SLC6A5: variants seen among roughly 807,000 people sequenced by gnomAD.
SLC6A5 encodes the protein solute carrier family 6 member 5.
A neutral mutation model predicts 90.5 loss-of-function variants in SLC6A5; 58 were observed. That is an observed-to-expected ratio of 0.64 (90% CI 0.52 to 0.80). The LOEUF is 0.80. SLC6A5 is among the 30% of genes least tolerant of loss of function. The pLI, the probability that SLC6A5 is intolerant of heterozygous loss-of-function variation, is 0.00. For synonymous variants in SLC6A5, 427 were observed against 401.4 expected (o/e 1.06, Z -0.76); for missense variants, 1,015 against 1,017.6 (o/e 1.00, Z 0.03).
chr11:20,621,938 C>T (rs553388547), intron 7 of SLC6A5, among the ~76,000 whole-genome samples: 6 of 152,324 alleles, frequency 3.9e-5, no homozygotes, highest in African/African-American at 7.2e-5. Context: ...CCCTCAGGGG[C>T]GCCTCTGCCT....
At chr11:20,651,447 T>G (rs1327157068) in intron 14 of SLC6A5, among the ~76,000 whole-genome samples, 4 of 151,158 alleles carry the variant, frequency 2.6e-5, no homozygotes, top group Non-Finnish European at 5.9e-5. Context: ...CTAATTTTTA[T>G]ATTTTTAGTT....
At chr11:20,607,790 TA>T in intron 5 of SLC6A5, 138 bp downstream of exon 5, 1 of 687,510 alleles carries the variant, frequency 1.5e-6, no homozygotes, top group Non-Finnish European at 2.5e-6. Context: ...AACTATCAAA[TA>T]TACTTAATTC....
Position 20,641,984 on chromosome 11 carries a change from A to T in SLC6A5, c.1969+3426A>T, listed in dbSNP as rs1295521392. Among the ~76,000 whole-genome samples, 22 of 151,964 alleles carry T rather than the reference A, an allele frequency of 1.4e-4. 1 individual carries two copies. Among genetic ancestry groups the T allele is most frequent in the Admixed American group, 1.4e-3 (22 of 15,270 alleles). ...AAAAAATAATATAAAATAAATAAAC[A>T]CTGGGACTTAGGGAGTATTAAGCTG... is the stretch of plus-strand genomic sequence containing the variant. On this transcript the variant is annotated intron_variant, in intron 13 of 15. Coordinates refer to ENST00000525748, the MANE Select transcript of SLC6A5 (RefSeq NM_004211.5).
intron 3 of SLC6A5, among the ~76,000 whole-genome samples, chr11:20,605,683 T>C (rs1448192921): frequency 2.0e-5 from 3 of 152,214 alleles, no homozygotes; most frequent in Non-Finnish European, 4.4e-5. Context: ...TGCCCGCGCT[T>C]TGCCCGCCCG....
At chr11:20,641,430 C>T (rs1417818746) in intron 13 of SLC6A5, among the ~76,000 whole-genome samples, 1 of 152,114 alleles carries the variant, frequency 6.6e-6, no homozygotes, top group African/African-American at 2.4e-5. Context: ...GCTTGATGGA[C>T]TATCTGTTTT....
Position 20,655,469 on chromosome 11 carries a change from A to C in SLC6A5, c.*601A>C. ...ATCTGTTTCCTTCGTTTGGATCAGC[A>C]ATCTCCAGTTACCACTAACTCAGAT... is the stretch of plus-strand genomic sequence containing the variant. On this transcript the variant is annotated 3_prime_UTR_variant, in exon 16 of 16. Transcript: ENST00000525748. The C allele has an allele frequency of 6.3e-6, 1 of 159,692 alleles. No homozygotes were observed. Among genetic ancestry groups the C allele is most frequent in the East Asian group, 1.8e-4 (1 of 5,676 alleles). The allele number at this position is 159,692 out of a possible 1,614,324, so 9.9% of individuals were successfully genotyped here.
At chr11:20,635,303 A>C (rs1853183820) in intron 10 of SLC6A5, among the ~76,000 whole-genome samples, 1 of 152,182 alleles carries the variant, frequency 6.6e-6, no homozygotes, top group Non-Finnish European at 1.5e-5. Flanking sequence ...TAACTTGTCT[A>C]GGGTTGCACA....
At chr11:20,651,111 G>A (rs900633222) in intron 14 of SLC6A5, among the ~76,000 whole-genome samples, 30 of 152,054 alleles carry the variant, frequency 2.0e-4, no homozygotes, top group African/African-American at 6.3e-4. Flanking sequence ...AGGAAGCTCC[G>A]GGATGTGGGC....
intron 5 of SLC6A5, among the ~76,000 whole-genome samples, chr11:20,608,388 G>A (rs1852623612): frequency 6.6e-6 from 1 of 152,232 alleles, no homozygotes; most frequent in African/African-American, 2.4e-5. Flanking sequence ...GGGCAGCTAT[G>A]TCAGAAAGTC....
At chr11:20,651,854 T>C (rs12362564) in intron 14 of SLC6A5, among the ~76,000 whole-genome samples, 29,957 of 151,418 alleles carry the variant, frequency 0.2, 3,858 homozygotes, top group Non-Finnish European at 0.29. Context: ...TTGCAGTAGC[T>C]GAGATCACGC....
At position 20,615,569 on chromosome 11, in the gene SLC6A5, G is replaced by A. The variant is rs1392989050; in HGVS notation, c.1127+749G>A. On this transcript the variant is annotated intron_variant, in intron 6 of 15. Transcript: ENST00000525748. Reference sequence around the variant, plus strand: ...CTTTTAGTAGAGACGGGGTTTCACCGTGTTAGCCAGGATGGCCTCGATATC... The same window carrying A: ...CTTTTAGTAGAGACGGGGTTTCACCATGTTAGCCAGGATGGCCTCGATATC... Among the ~76,000 whole-genome samples the A allele has an allele frequency of 3.9e-5, 6 of 152,192 alleles. No homozygotes were observed. The South Asian group carries it at 6.2e-4, about 16-fold the overall frequency.
chr11:20,648,798 T>A (rs905098821), intron 14 of SLC6A5, among the ~76,000 whole-genome samples: 1 of 152,222 alleles, frequency 6.6e-6, no homozygotes, highest in Non-Finnish European at 1.5e-5. Flanking sequence ...GAATAACATT[T>A]CACATAGTAA....
chr11:20,634,164 C>T (rs1853160480), intron 10 of SLC6A5, among the ~76,000 whole-genome samples: 1 of 152,216 alleles, frequency 6.6e-6, no homozygotes, highest in African/African-American at 2.4e-5. Flanking sequence ...GCCACCGCAC[C>T]TGGCTGCCAG....
At chr11:20,616,375 AC>A (rs1352523918) in intron 6 of SLC6A5, among the ~76,000 whole-genome samples, 7 of 152,178 alleles carry the variant, frequency 4.6e-5, no homozygotes, top group African/African-American at 1.7e-4. Flanking sequence ...ATTTTCCAGT[AC>A]ACTTAATCCA....
At position 20,604,325 on chromosome 11, in the gene SLC6A5, T is replaced by C; in HGVS notation, c.580T>C (p.Trp194Arg). ...GGATGAGAATAAGGCCCGAGGGAAC[T>C]GGTCCAGCAAACTGGACTTCATCCT... The part of the protein sequence containing the change: ...QGDENKARGN[W>R]SSKLDFILSM... Residue 194 changes from tryptophan to arginine, a missense_variant, in exon 3 of 16, where the codon TGG becomes CGG. By Grantham distance (101) the Trp-to-Arg change is moderately radical (BLOSUM62 -3). Around this residue, in one of 3 missense-constraint regions of SLC6A5, gnomAD observed 567 missense variants for 507.3 expected, o/e 1.12. Coordinates refer to ENST00000525748, the MANE Select transcript of SLC6A5 (RefSeq NM_004211.5). The C allele has an allele frequency of 1.2e-6, 2 of 1,613,860 alleles. No individual in the cohort carries two copies. Among genetic ancestry groups the C allele is most frequent in the Non-Finnish European group, 1.7e-6 (2 of 1,179,828 alleles).
At position 20,601,284 on chromosome 11, in the gene SLC6A5, G is replaced by T; in HGVS notation, c.159G>T (p.Arg53Ser). The T allele has an allele frequency of 1.9e-6, 3 of 1,589,036 alleles. No individual in the cohort carries two copies. The highest frequency in any genetic ancestry group is 8.5e-7 in the Non-Finnish European group (1 of 1,173,768). The change falls in exon 2 of 16, where the codon AGG becomes AGT. Residue 53 changes from arginine (R) to serine (S), a missense_variant. Physicochemically the swap from Arg to Ser is moderately radical, Grantham distance 110. Around this residue, in one of 3 missense-constraint regions of SLC6A5, gnomAD observed 567 missense variants for 507.3 expected, o/e 1.12. Transcript: ENST00000525748. Reference sequence around the variant, plus strand: ...CCCCGCCGCCGCCACGTGTGCCCAGGTCCGCTTCCACCGGCGCCCAAACTT... The same window carrying T: ...CCCCGCCGCCGCCACGTGTGCCCAGTTCCGCTTCCACCGGCGCCCAAACTT... ...AAAPPPPRVP[R>S]SASTGAQTFQ...
At chr11:20,610,224 C>T (rs969431840) in intron 5 of SLC6A5, among the ~76,000 whole-genome samples, 20 of 152,228 alleles carry the variant, frequency 1.3e-4, no homozygotes, top group Admixed American at 1.2e-3. Flanking sequence ...CCGCAGAGCT[C>T]TCTGATGAGA....
chr11:20,601,005 A>T, intron 1 of SLC6A5, 124 bp from the exon 2 acceptor site: 1 of 948,826 alleles, frequency 1.1e-6, no homozygotes, highest in Non-Finnish European at 1.5e-6. Flanking sequence ...AAAAGTTCAG[A>T]TTCCAATTTG....
chr11:20,599,879 C>G (rs568818183), intron 1 of SLC6A5, among the ~76,000 whole-genome samples: 1 of 152,248 alleles, frequency 6.6e-6, no homozygotes, highest in South Asian at 2.1e-4. Flanking sequence ...GGCTGTAGAG[C>G]TGAGAGGTTG....
Sources: allele counts gnomAD v4.1 joint callset (sites outside exome capture counted in the v4.1 genomes callset), GRCh38; gene constraint gnomAD v4.1.1; regional missense constraint gnomAD v4.1.1; transcripts MANE v1.5; gene names NCBI Gene and HGNC (gene_info 2026-07-23, HGNC 2026-07-21).